Variants in USP31 observed in about 807,000 individuals in gnomAD.
The protein encoded by USP31 is ubiquitin specific peptidase 31, also known as ubiquitin carboxyl-terminal hydrolase 31.
A neutral mutation model predicts 119.4 loss-of-function variants in USP31; 44 were observed. The ratio of observed to expected loss-of-function variants is 0.37; its 90% CI spans 0.29 to 0.47. The LOEUF is 0.47. USP31 is among the 20% of genes least tolerant of loss of function. The pLI is 0.99. For missense variants in USP31, 1,643 were observed against 1,730.2 expected (o/e 0.95, Z 0.89); for synonymous variants, 749 against 705.6 (o/e 1.06, Z -0.97).
chr16:23,086,941 G>A, intron 9 of USP31, 151 bp downstream of exon 9: 1 of 595,612 alleles, frequency 1.7e-6, no homozygotes, highest in African/African-American at 1.9e-5. Flanking sequence ...ATATACCCAA[G>A]CACAAATCAA....
chr16:23,080,304 A>G (rs1900760753), intron 12 of USP31, 133 bp from the exon 13 acceptor site: 1 of 743,990 alleles, frequency 1.3e-6, no homozygotes, highest in Non-Finnish European at 2.2e-6. Context: ...AAGACATACA[A>G]ATCAGGGAAA....
chr16:23,085,445 A>G, intron 10 of USP31, 140 bp downstream of exon 10: 1 of 755,866 alleles, frequency 1.3e-6, no homozygotes. Flanking sequence ...CTGCTTAAAT[A>G]AAGGGTTAAC....
intron 1 of USP31, among the ~76,000 whole-genome samples, chr16:23,133,789 AGATT>A (rs777656220): frequency 6.0e-4 from 91 of 152,214 alleles, no homozygotes; most frequent in Non-Finnish European, 1.5e-4. Flanking sequence ...AAATTCACAC[AGATT>A]GGCCAGGCGC....
At chr16:23,118,305 C>T (rs1902562549) in intron 1 of USP31, among the ~76,000 whole-genome samples, 1 of 152,174 alleles carries the variant, frequency 6.6e-6, no homozygotes, top group Non-Finnish European at 1.5e-5. Context: ...TATGATACTA[C>T]ATAATCCTTA....
chr16:23,069,185 C>T lies in USP31; in HGVS notation c.2920G>A (p.Asp974Asn), dbSNP rs765517782. 2 of 1,614,056 alleles carry T rather than the reference C, an allele frequency of 1.2e-6. No individual in the cohort carries two copies. Among genetic ancestry groups the T allele is most frequent in the African/African-American group, 2.7e-5 (2 of 74,928 alleles). ...DTQSKHSAQG[D>N]RLPPLSGPFD... ...GGACCAGAGAGCGGGGGCAGGCGGT[C>T]CCCTTGTGCTGAATGTTTGCTCTGT... Residue 974 changes from aspartate to asparagine, a missense_variant, in exon 16 of 16, where the codon GAC becomes AAC. Transcript: ENST00000219689.
intron 1 of USP31, among the ~76,000 whole-genome samples, chr16:23,131,129 C>T (rs1178714223): frequency 6.6e-6 from 1 of 152,130 alleles, no homozygotes; most frequent in South Asian, 2.1e-4. Flanking sequence ...GGGCAACATA[C>T]CCCATCTCAC....
rs1431300312 is a variant in USP31, at chr16:23,061,431, T to G, written c.*6615A>C. 6.6e-6 allele frequency: 1 copy of G among 152,626 alleles called. No homozygotes were observed. The highest frequency in any genetic ancestry group is 1.5e-5 in the Non-Finnish European group (1 of 68,032). 9.5% of individuals were successfully genotyped at this position (152,626 alleles called of 1,614,324 possible). A position where few individuals can be genotyped will look rare whatever the true frequency, so the allele number is the denominator to read the frequency against. ...TTGAAGAGGACATCTTGTAATAAATTTATTGTATTTTGTTACATTTTCCAC... is the reference window on the plus strand; with the variant it reads ...TTGAAGAGGACATCTTGTAATAAATGTATTGTATTTTGTTACATTTTCCAC... On this transcript the variant is annotated 3_prime_UTR_variant, in exon 16 of 16. Transcript: ENST00000219689.
chr16:23,068,113 T>G lies in USP31; in HGVS notation c.3992A>C (p.Glu1331Ala), dbSNP rs1900159269. The G allele has an allele frequency of 1.2e-6, 2 of 1,614,116 alleles. No individual in the cohort carries two copies. The highest frequency in any genetic ancestry group is 2.7e-5 in the African/African-American group (2 of 74,940). Residue 1331 changes from glutamate (E) to alanine (A), a missense_variant, in exon 16 of 16, where the codon GAG (glutamate) becomes GCG (alanine). Around this residue, in one of 5 missense-constraint regions of USP31, gnomAD observed 699 missense variants for 650.9 expected, o/e 1.07. Transcript: ENST00000219689. Reference protein sequence around the residue: ...PSSPGGRQSAEKSSKKLSSSM... With the variant: ...PSSPGGRQSAAKSSKKLSSSM... The stretch of plus-strand genomic sequence containing the variant: ...AGAAGATAACTTTTTTGAGGATTTC[T>G]CTGCAGACTGCCTGCCACCCGGAGA...
In USP31 at chr16:23,137,824, G is replaced by A. The variant is rs1225714002; in HGVS notation, c.633+10814C>T. Among the ~76,000 whole-genome samples the A allele has an allele frequency of 4.6e-5, 7 of 150,820 alleles. No individual in the cohort carries two copies. In the South Asian group the frequency reaches 8.5e-4, roughly 18 times the overall value. On this transcript the variant is annotated intron_variant, in intron 1 of 15. Coordinates refer to ENST00000219689, the MANE Select transcript of USP31 (RefSeq NM_020718.4). ...CAAAAAAAAGAGTAGGGAGGAAAAC[G>A]TCCAAAGGAAGAGGACAGAATAAGT...
intron 1 of USP31, among the ~76,000 whole-genome samples, chr16:23,126,563 C>T (rs1301976781): frequency 6.7e-6 from 1 of 150,100 alleles, no homozygotes; most frequent in Non-Finnish European, 1.5e-5. Flanking sequence ...GGAGGTGGGG[C>T]TTGCAGTGAA....
chr16:23,101,062 G>C (rs147050209), intron 6 of USP31, among the ~76,000 whole-genome samples: 23 of 152,286 alleles, frequency 1.5e-4, no homozygotes, highest in African/African-American at 5.3e-4. Flanking sequence ...TCTTAGAAAA[G>C]GGGAACCACT....
At chr16:23,137,304 G>A (rs1903222896) in intron 1 of USP31, among the ~76,000 whole-genome samples, 1 of 152,184 alleles carries the variant, frequency 6.6e-6, no homozygotes, top group African/African-American at 2.4e-5. Context: ...AAATGTTGGT[G>A]AAGATGCAGA....
chr16:23,146,989 G>A (rs1401754632), intron 1 of USP31, among the ~76,000 whole-genome samples: 1 of 151,648 alleles, frequency 6.6e-6, no homozygotes, highest in Non-Finnish European at 1.5e-5. Context: ...AAAAATGGGT[G>A]GGGGGTGAAC....
Position 23,065,335 on chromosome 16 carries a change from AAAAAG to A in USP31, c.*2706_*2710del, listed in dbSNP as rs1349755166. The A allele has an allele frequency of 6.6e-6, 1 of 151,598 alleles. No individual in the cohort carries two copies. The highest frequency in any genetic ancestry group is 2.4e-5 in the African/African-American group (1 of 41,350). The allele number at this position is 151,598 out of a possible 1,614,324, so 9.4% of individuals were successfully genotyped here. A position where few individuals can be genotyped will look rare whatever the true frequency, so the allele number is the denominator to read the frequency against. ...TGCTGGGAAAATTAAAAAAAAAAAA[AAAAAG>A]AAAAGAAAGAAAGAAACCAACACCA... On this transcript the variant is annotated 3_prime_UTR_variant, in exon 16 of 16. Coordinates refer to ENST00000219689, the MANE Select transcript of USP31 (RefSeq NM_020718.4).
intron 11 of USP31, among the ~76,000 whole-genome samples, chr16:23,083,461 G>A (rs1489521075): frequency 6.6e-6 from 1 of 151,966 alleles, no homozygotes; most frequent in Non-Finnish European, 1.5e-5. Context: ...CCTACTGAAT[G>A]AATGAGCCCC....
intron 14 of USP31, 52 bp from the exon 15 acceptor site, chr16:23,072,249 C>T: frequency 6.4e-7 from 1 of 1,564,832 alleles, no homozygotes; most frequent in Non-Finnish European, 8.6e-7. Context: ...CTCGGCCAGC[C>T]CTGAGCCACA....
chr16:23,131,309 A>G (rs146748238), intron 1 of USP31, among the ~76,000 whole-genome samples: 236 of 152,254 alleles, frequency 1.6e-3, no homozygotes, highest in African/African-American at 5.5e-3. Flanking sequence ...AAAAATAGTA[A>G]CAAATTAAAG....
chr16:23,125,199 GATGGT>G (rs1182593884), intron 1 of USP31, among the ~76,000 whole-genome samples: 3 of 152,188 alleles, frequency 2.0e-5, no homozygotes, highest in Non-Finnish European at 4.4e-5. Flanking sequence ...GATCTGTGAG[GATGGT>G]ATTACTATGT....
At chr16:23,075,992 G>A (rs1900554606) in intron 13 of USP31, among the ~76,000 whole-genome samples, 3 of 152,126 alleles carry the variant, frequency 2.0e-5, no homozygotes, top group Admixed American at 1.3e-4. Context: ...GGAAGCTGAG[G>A]TAGGAGGATC....
Sources: gnomAD v4.1 joint callset for allele counts (sites outside exome capture counted in the v4.1 genomes callset) on GRCh38, gnomAD v4.1.1 for gene constraint, gnomAD v4.1.1 regional missense constraint, MANE v1.5 for transcripts, NCBI Gene and HGNC (gene_info 2026-07-23, HGNC 2026-07-21) for gene names.